The following NKAIN2 variants were observed in gnomAD, a reference collection of about 807,000 sequenced individuals.
NKAIN2 encodes sodium/potassium transporting ATPase interacting 2.
NKAIN2 carries 14 observed loss-of-function variants against 32.6 expected under a neutral mutation model. That is an observed-to-expected ratio of 0.43 (90% CI 0.28 to 0.67). NKAIN2 has a LOEUF of 0.67. Ranked by LOEUF, NKAIN2 falls within the 30% of genes least tolerant of loss-of-function variation. NKAIN2 has a pLI of 0.17. For synonymous variants in NKAIN2, 80 were observed against 87.2 expected (o/e 0.92, Z 0.46); for missense variants, 198 against 258.3 (o/e 0.77, Z 1.60).
intron 4 of NKAIN2, among the ~76,000 whole-genome samples, chr6:124,661,658 A>G (rs1407173435): frequency 2.0e-5 from 3 of 152,354 alleles, no homozygotes; most frequent in Non-Finnish European, 4.4e-5. Flanking sequence ...CCAGAACACC[A>G]TAATGATGAG....
chr6:123,938,478 CATAATAT>C (rs1212677808), intron 1 of NKAIN2, among the ~76,000 whole-genome samples: 28 of 103,354 alleles, frequency 2.7e-4, no homozygotes, highest in African/African-American at 9.1e-4. Context: ...GCATATTATA[CATAATAT>C]ATAATATATA....
chr6:124,724,433 C>T (rs1222294597), intron 4 of NKAIN2, among the ~76,000 whole-genome samples: 1 of 152,166 alleles, frequency 6.6e-6, no homozygotes, highest in Non-Finnish European at 1.5e-5. Context: ...TGCTTCCACC[C>T]AAGGGTAAAA....
At chr6:124,288,240 G>T (rs1488158181) in intron 2 of NKAIN2, among the ~76,000 whole-genome samples, 3 of 152,142 alleles carry the variant, frequency 2.0e-5, no homozygotes, top group African/African-American at 4.8e-5. Context: ...GAGTTAGGAG[G>T]TTGACACAGG....
At chr6:123,808,513 T>C (rs1414324579) in intron 1 of NKAIN2, among the ~76,000 whole-genome samples, 1 of 152,232 alleles carries the variant, frequency 6.6e-6, no homozygotes, top group Non-Finnish European at 1.5e-5. Context: ...AGCACTACTC[T>C]TCTCTGCCTT....
intron 1 of NKAIN2, among the ~76,000 whole-genome samples, chr6:124,090,878 C>G (rs1159884336): frequency 6.6e-6 from 1 of 151,806 alleles, no homozygotes; most frequent in African/African-American, 2.4e-5. Flanking sequence ...TTTGAAGAAC[C>G]AAATGAGATA....
intron 1 of NKAIN2, among the ~76,000 whole-genome samples, chr6:124,144,694 A>T (rs577993752): frequency 2.0e-5 from 3 of 152,174 alleles, no homozygotes; most frequent in Non-Finnish European, 4.4e-5. Flanking sequence ...CATAAAGTAT[A>T]GAAGAAAATG....
chr6:124,172,092 G>A (rs754708227), intron 1 of NKAIN2, among the ~76,000 whole-genome samples: 2 of 152,168 alleles, frequency 1.3e-5, no homozygotes, highest in East Asian at 3.9e-4. Context: ...GATTACAGGC[G>A]TGAGCCACTG....
At chr6:124,016,338 A>C (rs1780572449) in intron 1 of NKAIN2, among the ~76,000 whole-genome samples, 1 of 152,166 alleles carries the variant, frequency 6.6e-6, no homozygotes, top group Admixed American at 6.6e-5. Context: ...AATAATTTAA[A>C]TTGCCATTTT....
chr6:124,241,843 T>A (rs1225197435), intron 1 of NKAIN2, among the ~76,000 whole-genome samples: 6 of 151,712 alleles, frequency 4.0e-5, no homozygotes, highest in Non-Finnish European at 8.8e-5. Context: ...AAAATGAAAA[T>A]GTATATGACA....
At chr6:124,645,683 T>A (rs1316330607) in intron 3 of NKAIN2, among the ~76,000 whole-genome samples, 1 of 152,148 alleles carries the variant, frequency 6.6e-6, no homozygotes, top group Non-Finnish European at 1.5e-5. Flanking sequence ...TTTTAGCTCC[T>A]CCTATTTAAT....
At chr6:124,414,883 G>C (rs1774387784) in intron 3 of NKAIN2, among the ~76,000 whole-genome samples, 1 of 151,806 alleles carries the variant, frequency 6.6e-6, no homozygotes, top group Non-Finnish European at 1.5e-5. Context: ...TTTAAATTAT[G>C]ATTCATAATT....
chr6:124,094,721 A>G (rs1288952555), intron 1 of NKAIN2, among the ~76,000 whole-genome samples: 2 of 152,042 alleles, frequency 1.3e-5, no homozygotes, highest in Non-Finnish European at 2.9e-5. Flanking sequence ...ATATATCAAC[A>G]TTTTTTACAT....
intron 3 of NKAIN2, among the ~76,000 whole-genome samples, chr6:124,453,569 C>G (rs1352010493): frequency 1.3e-5 from 2 of 150,838 alleles, no homozygotes; most frequent in African/African-American, 4.9e-5. Context: ...TTCCAATATG[C>G]AGCATTTTAA....
intron 3 of NKAIN2, among the ~76,000 whole-genome samples, chr6:124,456,981 A>G (rs2114636924): frequency 6.6e-6 from 1 of 151,878 alleles, no homozygotes; most frequent in South Asian, 2.1e-4. Flanking sequence ...CATATATTTA[A>G]AGCGTTTAGA....
intron 3 of NKAIN2, among the ~76,000 whole-genome samples, chr6:124,542,963 A>T (rs1421366743): frequency 6.6e-6 from 1 of 152,194 alleles, no homozygotes; most frequent in East Asian, 1.9e-4. Context: ...TGAATTTCTA[A>T]ATACAATACT....
At chr6:124,204,948 G>A (rs1790781655) in intron 1 of NKAIN2, among the ~76,000 whole-genome samples, 1 of 148,400 alleles carries the variant, frequency 6.7e-6, no homozygotes, top group Non-Finnish European at 1.5e-5. Flanking sequence ...TTCATATCAA[G>A]AACATCAAGC....
chr6:124,541,941 G>C (rs537182905), intron 3 of NKAIN2, among the ~76,000 whole-genome samples: 1 of 151,962 alleles, frequency 6.6e-6, no homozygotes, highest in Non-Finnish European at 1.5e-5. Context: ...TAATATATAT[G>C]CCTATTTTTA....
intron 3 of NKAIN2, among the ~76,000 whole-genome samples, chr6:124,548,563 G>A (rs1416700245): frequency 6.6e-6 from 1 of 152,184 alleles, no homozygotes; most frequent in Non-Finnish European, 1.5e-5. Context: ...TCAGGCAAGC[G>A]AAGAGTGTTA....
chr6:123,804,394 G>A, intron 1 of NKAIN2, 140 bp downstream of exon 1: 1 of 757,530 alleles, frequency 1.3e-6, no homozygotes, highest in Non-Finnish European at 2.3e-6. Flanking sequence ...CTATATTGAA[G>A]ATGATTTCAG....
Sources: gnomAD v4.1 joint callset for allele counts (sites outside exome capture counted in the v4.1 genomes callset) on GRCh38, gnomAD v4.1.1 for gene constraint, MANE v1.5 for transcripts, NCBI Gene and HGNC (gene_info 2026-07-23, HGNC 2026-07-21) for gene names.